TRPM6: variants seen among roughly 807,000 people sequenced by gnomAD.
TRPM6 encodes channel kinase 2.
Under a neutral mutation model 247.6 loss-of-function variants are expected in TRPM6, and 111 were observed. The ratio of observed to expected loss-of-function variants is 0.45; its 90% CI spans 0.38 to 0.52. The LOEUF is 0.52. TRPM6 is among the 20% of genes least tolerant of loss of function. The pLI is 0.00. For synonymous variants in TRPM6, 892 were observed against 853.8 expected, an observed-to-expected ratio of 1.04 and a Z score of -0.78; for missense variants, 2,126 against 2,421.5, an observed-to-expected ratio of 0.88 and a Z score of 2.56.
intron 3 of TRPM6, among the ~76,000 whole-genome samples, chr9:74,843,691 T>C (rs1321023434): frequency 6.6e-6 from 1 of 151,412 alleles, no homozygotes; most frequent in Non-Finnish European, 1.5e-5. Context: ...GGCAGGCGCC[T>C]GTAATCCCAG....
At chr9:74,821,564 C>T in intron 8 of TRPM6, 105 bp downstream of exon 8, 1 of 1,359,376 alleles carries the variant, frequency 7.4e-7, no homozygotes, top group Non-Finnish European at 1.0e-6. Flanking sequence ...GTCTCAACTT[C>T]TATAATCCAA....
At position 74,762,464 on chromosome 9, in the gene TRPM6, G is replaced by A. The variant is rs150522929; in HGVS notation, c.4207C>T (p.Pro1403Ser). The change falls in exon 26 of 39, where the codon CCC becomes TCC. Residue 1403 changes from proline (P) to serine (S), a missense_variant. By Grantham distance (74) the Pro-to-Ser change is moderately conservative. Around this residue, in one of 3 missense-constraint regions of TRPM6, gnomAD observed 717 missense variants for 715.9 expected, o/e 1.00. Transcript: ENST00000360774. ...VVSDWASVDEPKEKHEPIAHL... is the reference protein window; with the variant it reads ...VVSDWASVDESKEKHEPIAHL... ...GCAATAGGCTCGTGCTTTTCCTTGGGTTCATCCACTGATGCCCAGTCAGAG... is the reference window on the plus strand; with the variant it reads ...GCAATAGGCTCGTGCTTTTCCTTGGATTCATCCACTGATGCCCAGTCAGAG... 3.1e-6 allele frequency: 5 copies of A among 1,613,998 alleles called. No individual in the cohort carries two copies. The African/African-American group carries it at 4.0e-5, about 13-fold the overall frequency.
rs1201223148 is a variant in TRPM6, at chr9:74,827,761, G to A, written c.841+17C>T. The A allele has an allele frequency of 6.2e-7, 1 of 1,613,698 alleles. No homozygotes were observed. The highest frequency in any genetic ancestry group is 1.3e-5 in the African/African-American group (1 of 75,000). On this transcript the variant is annotated intron_variant, in intron 7 of 38. Transcript: ENST00000360774. ...GCCTGCAACCAGACTGGGTGACTGA[G>A]CCCCTGTGATACTCACGGCAGTGTA... is the stretch of plus-strand genomic sequence containing the variant.
intron 38 of TRPM6, among the ~76,000 whole-genome samples, chr9:74,725,371 T>C (rs1825280955): frequency 6.7e-6 from 1 of 150,270 alleles, no homozygotes; most frequent in South Asian, 2.1e-4. Context: ...TATTTCTTAT[T>C]TTTTTAATGT....
intron 1 of TRPM6, among the ~76,000 whole-genome samples, chr9:74,867,884 T>A (rs1019702143): frequency 1.3e-5 from 2 of 152,208 alleles, no homozygotes; most frequent in African/African-American, 4.8e-5. Context: ...CCAGACGCAG[T>A]GGCTCACGCC....
intron 12 of TRPM6, among the ~76,000 whole-genome samples, chr9:74,811,761 A>G (rs191907580): frequency 1.2e-3 from 182 of 152,368 alleles, no homozygotes; most frequent in African/African-American, 4.2e-3. Flanking sequence ...TGATCAATAA[A>G]TAATTACCAG....
At chr9:74,788,857 C>A in intron 19 of TRPM6, 115 bp from the exon 20 acceptor site, 1 of 1,276,818 alleles carries the variant, frequency 7.8e-7, no homozygotes, top group Admixed American at 2.0e-5. Context: ...AACACGAACA[C>A]AGAACTAGGA....
At chr9:74,770,668 T>C (rs1827003809) in intron 25 of TRPM6, among the ~76,000 whole-genome samples, 1 of 152,152 alleles carries the variant, frequency 6.6e-6, no homozygotes, top group African/African-American at 2.4e-5. Context: ...CCTTCCCGTC[T>C]ACTCTGGCCA....
chr9:74,743,991 G>T, intron 32 of TRPM6, 104 bp downstream of exon 32: 1 of 1,141,962 alleles, frequency 8.8e-7, no homozygotes, highest in Non-Finnish European at 1.3e-6. Context: ...TTTTCAAGTC[G>T]CGAGCCATGT....
At chr9:74,732,902 T>G (rs1825570376) in intron 36 of TRPM6, among the ~76,000 whole-genome samples, 166 bp from the exon 37 acceptor site, 1 of 152,050 alleles carries the variant, frequency 6.6e-6, no homozygotes, top group South Asian at 2.1e-4. Flanking sequence ...TACTGGCAAG[T>G]AAAAAATCTG....
chr9:74,820,508 A>G, intron 8 of TRPM6, 81 bp from the exon 9 acceptor site: 4 of 1,549,902 alleles, frequency 2.6e-6, no homozygotes, highest in African/African-American at 1.4e-5. Flanking sequence ...ACACCCCATC[A>G]GCTCCCCAGA....
At chr9:74,860,297 G>A (rs1161540676) in intron 1 of TRPM6, among the ~76,000 whole-genome samples, 3 of 152,060 alleles carry the variant, frequency 2.0e-5, no homozygotes, top group South Asian at 2.1e-4. Context: ...TAAAAAACTT[G>A]GGAAAACCCA....
chr9:74,861,206 A>T (rs893189173), intron 1 of TRPM6, among the ~76,000 whole-genome samples: 7 of 152,212 alleles, frequency 4.6e-5, no homozygotes, highest in African/African-American at 1.7e-4. Flanking sequence ...AGAATTCTTC[A>T]TTCTGAATTT....
At chr9:74,857,340 C>T (rs1315309947) in intron 2 of TRPM6, among the ~76,000 whole-genome samples, 1 of 152,144 alleles carries the variant, frequency 6.6e-6, no homozygotes, top group Non-Finnish European at 1.5e-5. Flanking sequence ...TACCTTGCTA[C>T]CCTTCATAAC....
intron 25 of TRPM6, among the ~76,000 whole-genome samples, chr9:74,768,592 T>C (rs962370901): frequency 1.3e-5 from 2 of 152,262 alleles, no homozygotes; most frequent in Non-Finnish European, 1.5e-5. Context: ...CACTCTTTTC[T>C]GAAAGTCGTG....
At chr9:74,809,658 C>T (rs2117879022) in intron 13 of TRPM6, among the ~76,000 whole-genome samples, 1 of 152,044 alleles carries the variant, frequency 6.6e-6, no homozygotes, top group Non-Finnish European at 1.5e-5. Context: ...TTTACATGAG[C>T]ACGGACACTT....
At chr9:74,725,011 C>G (rs1563984440) in intron 38 of TRPM6, among the ~76,000 whole-genome samples, 1 of 152,146 alleles carries the variant, frequency 6.6e-6, no homozygotes. Flanking sequence ...TACACAGTGC[C>G]CTATAAGGCA....
intron 1 of TRPM6, among the ~76,000 whole-genome samples, chr9:74,884,122 C>A (rs1056255467): frequency 6.6e-6 from 1 of 151,886 alleles, no homozygotes; most frequent in Non-Finnish European, 1.5e-5. Context: ...GCACTCCAGC[C>A]TGGGCAACAA....
intron 36 of TRPM6, among the ~76,000 whole-genome samples, chr9:74,738,136 G>C (rs1295890420): frequency 6.6e-6 from 1 of 152,094 alleles, no homozygotes; most frequent in Non-Finnish European, 1.5e-5. Flanking sequence ...TGAAAAATTT[G>C]TTACAAAAAT....
Sources: gnomAD v4.1 joint callset for allele counts (sites outside exome capture counted in the v4.1 genomes callset) on GRCh38, gnomAD v4.1.1 for gene constraint, gnomAD v4.1.1 regional missense constraint, MANE v1.5 for transcripts, NCBI Gene and HGNC (gene_info 2026-07-23, HGNC 2026-07-21) for gene names.